Variants in GPM6A observed in about 807,000 individuals in gnomAD.
GPM6A encodes the protein neuronal membrane glycoprotein M6-a.
In GPM6A, 7 loss-of-function variants were observed where a neutral mutation model predicts 32.1. The ratio of observed to expected loss-of-function variants is 0.22; its 90% confidence interval spans 0.12 to 0.41. The LOEUF (loss-of-function observed/expected upper bound fraction) is 0.41, where lower values mean the gene tolerates loss of function less well. Ranked by LOEUF, GPM6A falls within the 10% of genes least tolerant of loss-of-function variation. The pLI, the probability that GPM6A is intolerant of heterozygous loss-of-function variation, is 1.00. For synonymous variants in GPM6A, 130 were observed against 123.4 expected (o/e 1.05, Z -0.35); for missense variants, 235 against 347.2 (o/e 0.68, Z 2.57).
chr4:175,690,096 G>A (rs959348316), intron 2 of GPM6A, among the ~76,000 whole-genome samples: 4 of 152,138 alleles, frequency 2.6e-5, no homozygotes, highest in Non-Finnish European at 5.9e-5. Flanking sequence ...TCTCATAAAG[G>A]TATTGGTCTG....
At chr4:175,721,441 A>T (rs1326940072) in intron 1 of GPM6A, among the ~76,000 whole-genome samples, 1 of 151,320 alleles carries the variant, frequency 6.6e-6, no homozygotes, top group African/African-American at 2.4e-5. Context: ...ACACCACTGC[A>T]CTCCAGTCTG....
At chr4:175,984,000 CTCTCTCTCTG>C (rs1254004673) in intron 1 of GPM6A, among the ~76,000 whole-genome samples, 3 of 148,350 alleles carry the variant, frequency 2.0e-5, no homozygotes, top group Admixed American at 2.0e-4. Flanking sequence ...GTCTCTCTCT[CTCTCTCTCTG>C]TCTCTCTCTC....
intron 1 of GPM6A, among the ~76,000 whole-genome samples, chr4:175,956,191 T>G (rs1179964755): frequency 6.6e-6 from 1 of 152,174 alleles, no homozygotes; most frequent in African/African-American, 2.4e-5. Flanking sequence ...AGAGGAGCCA[T>G]TAGCCAAATT....
chr4:175,814,520 G>A (rs1018493855), upstream of GPM6A, among the ~76,000 whole-genome samples: 2 of 152,188 alleles, frequency 1.3e-5, no homozygotes, highest in Non-Finnish European at 2.9e-5. Flanking sequence ...AGAGGGAAAT[G>A]AGAGGGAAAG....
chr4:175,878,649 G>A (rs571046801), intron 1 of GPM6A, among the ~76,000 whole-genome samples: 11 of 152,108 alleles, frequency 7.2e-5, no homozygotes, highest in Admixed American at 3.9e-4. Flanking sequence ...TTCCTCATAG[G>A]CCTCTGGGCC....
At chr4:175,973,543 T>C (rs1740568579) in intron 1 of GPM6A, among the ~76,000 whole-genome samples, 1 of 152,222 alleles carries the variant, frequency 6.6e-6, no homozygotes, top group Non-Finnish European at 1.5e-5. Flanking sequence ...GCTAATGAGA[T>C]CTTGGGACAG....
intron 1 of GPM6A, chr4:175,970,890 C>A: frequency 4.4e-6 from 2 of 453,086 alleles, no homozygotes; most frequent in South Asian, 1.6e-5. Context: ...AGGCATCACT[C>A]GATACCGACA....
intron 1 of GPM6A, among the ~76,000 whole-genome samples, chr4:175,958,281 G>T (rs1166079688): frequency 6.6e-6 from 1 of 152,136 alleles, no homozygotes; most frequent in Non-Finnish European, 1.5e-5. Flanking sequence ...TACTTGAATG[G>T]CATCATTCAC....
intron 1 of GPM6A, among the ~76,000 whole-genome samples, chr4:175,818,821 G>C (rs1486313134): frequency 6.6e-6 from 1 of 152,136 alleles, no homozygotes; most frequent in Non-Finnish European, 1.5e-5. Context: ...ATATTTCAAA[G>C]AGCAACCAGC....
chr4:175,679,293 T>C (rs1442424681), intron 2 of GPM6A, among the ~76,000 whole-genome samples: 1 of 152,168 alleles, frequency 6.6e-6, no homozygotes, highest in Non-Finnish European at 1.5e-5. Flanking sequence ...CATGGTTAGA[T>C]ACGGGTTACT....
At position 175,634,818 on chromosome 4, in the gene GPM6A, C is replaced by T. The variant is rs541204040; in HGVS notation, c.*87G>A. Reference sequence around the variant, plus strand: ...ACATATCATTGATGAGAAGCACTTTCGTTTTGTTTTTTAAAGGTTGGATGG... The same window carrying T: ...ACATATCATTGATGAGAAGCACTTTTGTTTTGTTTTTTAAAGGTTGGATGG... On this transcript the variant is annotated 3_prime_UTR_variant, in exon 7 of 7. Coordinates refer to ENST00000393658, the MANE Select transcript of GPM6A (RefSeq NM_201591.3). 9 of 1,034,032 alleles carry T rather than the reference C, an allele frequency of 8.7e-6. No individual in the cohort carries two copies. Among genetic ancestry groups the T allele is most frequent in the African/African-American group, 8.0e-5 (5 of 62,590 alleles). 64.1% of individuals were successfully genotyped at this position (1,034,032 alleles called of 1,614,324 possible).
chr4:175,827,056 T>C (rs780233614), intron 1 of GPM6A, among the ~76,000 whole-genome samples: 4 of 152,172 alleles, frequency 2.6e-5, no homozygotes, highest in African/African-American at 7.2e-5. Flanking sequence ...CCCTCCAAGA[T>C]GCCCATGAAG....
intron 1 of GPM6A, among the ~76,000 whole-genome samples, chr4:175,941,131 T>G (rs375655411): frequency 1.3e-5 from 2 of 152,324 alleles, no homozygotes; most frequent in African/African-American, 4.8e-5. Flanking sequence ...TTAATGTTTA[T>G]TTTATCCATA....
At chr4:175,880,396 T>C (rs1737232030) in intron 1 of GPM6A, among the ~76,000 whole-genome samples, 1 of 152,216 alleles carries the variant, frequency 6.6e-6, no homozygotes, top group African/African-American at 2.4e-5. Context: ...ATATGAACTT[T>C]AAAGTAGTTT....
chr4:175,752,952 G>T (rs1193227890), intron 1 of GPM6A, among the ~76,000 whole-genome samples: 1 of 152,132 alleles, frequency 6.6e-6, no homozygotes, highest in East Asian at 1.9e-4. Flanking sequence ...ACTAAAGACA[G>T]AATGTTCTCT....
At chr4:175,636,210 A>C (rs1317665233) in intron 6 of GPM6A, among the ~76,000 whole-genome samples, 1 of 143,758 alleles carries the variant, frequency 7.0e-6, no homozygotes, top group Non-Finnish European at 1.5e-5. Flanking sequence ...AGGGGCTGTG[A>C]GTTATATTCT....
chr4:175,791,899 T>C (rs1248925233), intron 1 of GPM6A, among the ~76,000 whole-genome samples: 1 of 152,128 alleles, frequency 6.6e-6, no homozygotes, highest in Non-Finnish European at 1.5e-5. Flanking sequence ...TTTATTAAAA[T>C]ATTTATGGGG....
At chr4:175,923,215 TTATATATATA>T (rs201557656) in intron 1 of GPM6A, among the ~76,000 whole-genome samples, 16 of 26,742 alleles carry the variant, frequency 6.0e-4, no homozygotes, top group South Asian at 3.4e-3. Context: ...ATAACATGAT[TTATATATATA>T]TATATATATA....
chr4:175,936,320 A>C (rs1451713390), intron 1 of GPM6A, among the ~76,000 whole-genome samples: 4 of 149,660 alleles, frequency 2.7e-5, no homozygotes, highest in Admixed American at 1.3e-4. Context: ...AAAAAAAAAA[A>C]AAAAAAAAAA....
Sources: gnomAD v4.1 joint callset for allele counts (sites outside exome capture counted in the v4.1 genomes callset) on GRCh38, gnomAD v4.1.1 for gene constraint, MANE v1.5 for transcripts, NCBI Gene and HGNC (gene_info 2026-07-23, HGNC 2026-07-21) for gene names.